ERICH6: variants seen among roughly 807,000 people sequenced by gnomAD.
ERICH6 encodes the protein glutamate-rich protein 6.
Under a neutral mutation model 71.0 loss-of-function variants are expected in ERICH6, and 71 were observed. The ratio of observed to expected loss-of-function variants is 1.00; its 90% CI spans 0.83 to 1.22. The LOEUF is 1.22. ERICH6 is among the 50% of genes most tolerant of loss of function. ERICH6 has a pLI of 0.00. For missense variants in ERICH6, 808 were observed against 797.2 expected (o/e 1.01, Z -0.16); for synonymous variants, 262 against 278.4 (o/e 0.94, Z 0.59).
intron 10 of ERICH6, among the ~76,000 whole-genome samples, chr3:150,676,888 A>G (rs769013962): frequency 3.5e-4 from 53 of 151,758 alleles, no homozygotes; most frequent in Non-Finnish European, 6.2e-4. Context: ...ATCTTGGCTC[A>G]CTGCAACCTC....
intron 3 of ERICH6, among the ~76,000 whole-genome samples, chr3:150,687,282 C>T (rs758946762): frequency 7.2e-5 from 11 of 152,302 alleles, no homozygotes; most frequent in East Asian, 1.9e-4. Context: ...TGAGAGATTT[C>T]GTCACTCAAT....
chr3:150,689,874 A>G (rs1712353919), intron 3 of ERICH6, among the ~76,000 whole-genome samples: 1 of 152,202 alleles, frequency 6.6e-6, no homozygotes, highest in Non-Finnish European at 1.5e-5. Flanking sequence ...AAGAGTGTAA[A>G]CAGACAAGTT....
At chr3:150,699,727 A>AAC (rs1712792359) in intron 2 of ERICH6, among the ~76,000 whole-genome samples, 1 of 149,290 alleles carries the variant, frequency 6.7e-6, no homozygotes, top group East Asian at 1.9e-4. Flanking sequence ...TAAAAACAAA[A>AAC]AAAAAAAACA....
intron 7 of ERICH6, among the ~76,000 whole-genome samples, chr3:150,681,765 T>C (rs1291075132): frequency 6.6e-6 from 1 of 151,582 alleles, no homozygotes; most frequent in Non-Finnish European, 1.5e-5. Flanking sequence ...GGTATCCCAC[T>C]GTGCTTGTGA....
chr3:150,700,918 T>G (rs956481796), intron 2 of ERICH6, among the ~76,000 whole-genome samples: 4 of 152,208 alleles, frequency 2.6e-5, no homozygotes, highest in African/African-American at 7.2e-5. Context: ...TTTATAGACA[T>G]AGGATTATAT....
intron 9 of ERICH6, among the ~76,000 whole-genome samples, chr3:150,679,035 C>CAAAAAAAA (rs1160094551): frequency 1.4e-4 from 9 of 65,224 alleles, no homozygotes; most frequent in Admixed American, 5.5e-4. Context: ...GACTCTGTCT[C>CAAAAAAAA]AAAAAAAAAA....
At chr3:150,674,994 G>C (rs1002611970) in intron 10 of ERICH6, among the ~76,000 whole-genome samples, 3 of 152,078 alleles carry the variant, frequency 2.0e-5, no homozygotes, top group African/African-American at 4.8e-5. Flanking sequence ...TTAGTTGGGC[G>C]TGGTGGCACA....
chr3:150,701,981 A>C, intron 2 of ERICH6, 140 bp downstream of exon 2: 1 of 587,600 alleles, frequency 1.7e-6, no homozygotes, highest in Non-Finnish European at 3.1e-6. Flanking sequence ...AGTGTCTACC[A>C]GTGTATATTT....
chr3:150,680,580 T>C (rs1175254210), intron 8 of ERICH6, 42 bp from the exon 9 acceptor site: 5 of 1,610,310 alleles, frequency 3.1e-6, no homozygotes. Flanking sequence ...TGAAATGTGG[T>C]TGAAGCTTAA....
intron 3 of ERICH6, among the ~76,000 whole-genome samples, chr3:150,688,767 G>A (rs547770603): frequency 8.5e-5 from 13 of 152,056 alleles, no homozygotes; most frequent in Admixed American, 5.2e-4. Context: ...GAGTTGTCCC[G>A]CCTTTGAGTT....
rs1444824397 is a variant in ERICH6 at position 150,682,237 on chromosome 3, G to A, written c.863C>T (p.Ser288Phe). Residue 288 changes from serine (S) to phenylalanine (F), a missense_variant, in exon 7 of 14, where the codon TCC becomes TTC. Physicochemically the swap from Ser to Phe is radical, Grantham distance 155. Coordinates refer to ENST00000295910, the MANE Select transcript of ERICH6 (RefSeq NM_152394.5). ...ACTTACATGCCCTTTTGGTTCAGAG[G>A]AAACATCCACATTAGAAAAAAATGC... ...LRAFFSNVDV[S>F]SEPKGHASCC... 8.7e-6 allele frequency: 14 copies of A among 1,613,636 alleles called. No individual in the cohort carries two copies. The highest frequency in any genetic ancestry group is 1.3e-5 in the African/African-American group (1 of 74,850).
chr3:150,680,317 C>A, intron 9 of ERICH6, 151 bp downstream of exon 9: 1 of 722,158 alleles, frequency 1.4e-6, no homozygotes, highest in East Asian at 2.7e-5. Context: ...ATTCTCCCAC[C>A]TTGGCTTCCC....
intron 2 of ERICH6, among the ~76,000 whole-genome samples, chr3:150,701,616 C>G (rs1712871516): frequency 6.6e-6 from 1 of 152,164 alleles, no homozygotes; most frequent in Admixed American, 6.5e-5. Flanking sequence ...AATTCAAGAT[C>G]ATTGACTCAG....
chr3:150,664,053 T>C (rs1043789719), intron 13 of ERICH6, among the ~76,000 whole-genome samples: 4 of 151,512 alleles, frequency 2.6e-5, no homozygotes, highest in African/African-American at 9.7e-5. Context: ...AAAGGGGAGA[T>C]GAAGAGTAAT....
chr3:150,679,736 C>T (rs1365863787), intron 9 of ERICH6, among the ~76,000 whole-genome samples: 1 of 152,082 alleles, frequency 6.6e-6, no homozygotes, highest in Non-Finnish European at 1.5e-5. Flanking sequence ...TGGCTTACTG[C>T]TACCTCTGTC....
chr3:150,674,786 A>G (rs1396833504), intron 10 of ERICH6, among the ~76,000 whole-genome samples: 1 of 152,014 alleles, frequency 6.6e-6, no homozygotes, highest in African/African-American at 2.4e-5. Flanking sequence ...TATTTTCTAT[A>G]GCATTACTGC....
chr3:150,692,053 G>A (rs541329683), intron 3 of ERICH6, among the ~76,000 whole-genome samples: 1 of 152,244 alleles, frequency 6.6e-6, no homozygotes, highest in African/African-American at 2.4e-5. Context: ...AATCATCAAT[G>A]TCAAAAGCAC....
At chr3:150,671,192 A>G (rs1711500340) in intron 11 of ERICH6, among the ~76,000 whole-genome samples, 1 of 152,214 alleles carries the variant, frequency 6.6e-6, no homozygotes, top group Non-Finnish European at 1.5e-5. Flanking sequence ...CTAGGGAACT[A>G]AAACTTCATT....
intron 11 of ERICH6, among the ~76,000 whole-genome samples, chr3:150,673,399 G>A (rs1711536155): frequency 6.6e-6 from 1 of 151,960 alleles, no homozygotes; most frequent in Non-Finnish European, 1.5e-5. Flanking sequence ...ATGCTGCTCA[G>A]GCTGATCTCA....
Sources: gnomAD v4.1 joint callset for allele counts (sites outside exome capture counted in the v4.1 genomes callset) on GRCh38, gnomAD v4.1.1 for gene constraint, MANE v1.5 for transcripts, NCBI Gene and HGNC (gene_info 2026-07-23, HGNC 2026-07-21) for gene names.